Variants in TAFA2 observed in about 807,000 individuals in gnomAD.
The protein encoded by TAFA2 is TAFA chemokine like family member 2.
A neutral mutation model predicts 18.8 loss-of-function variants in TAFA2; 7 were observed. The ratio of observed to expected loss-of-function variants is 0.37; its 90% CI spans 0.21 to 0.70. The LOEUF (loss-of-function observed/expected upper bound fraction) is 0.70, where lower values mean the gene tolerates loss of function less well. Ranked by LOEUF, TAFA2 falls within the 30% of genes least tolerant of loss-of-function variation. TAFA2 has a pLI of 0.53. For synonymous variants in TAFA2, 60 were observed against 54.2 expected, an observed-to-expected ratio of 1.11 and a Z score of -0.47; for missense variants, 122 against 158.1, an observed-to-expected ratio of 0.77 and a Z score of 1.23.
At chr12:61,745,529 T>A (rs1044264098) in intron 4 of TAFA2, among the ~76,000 whole-genome samples, 12 of 152,106 alleles carry the variant, frequency 7.9e-5, no homozygotes, top group African/African-American at 2.9e-4. Flanking sequence ...ACTCCCTTGC[T>A]CAGCAACACT....
intron 1 of TAFA2, chr12:62,023,745 A>G (rs576694264): frequency 1.3e-5 from 2 of 152,152 alleles, no homozygotes; most frequent in African/African-American, 4.8e-5. Flanking sequence ...CAGCTTCACT[A>G]CTGCATCTAC....
chr12:61,885,589 A>G (rs1227924846), intron 1 of TAFA2, among the ~76,000 whole-genome samples: 3 of 152,198 alleles, frequency 2.0e-5, no homozygotes, highest in African/African-American at 7.2e-5. Flanking sequence ...CCTCCACCTC[A>G]GTTCACCTTT....
intron 1 of TAFA2, among the ~76,000 whole-genome samples, chr12:62,182,896 A>G (rs1467245443): frequency 6.6e-6 from 1 of 152,248 alleles, no homozygotes; most frequent in African/African-American, 2.4e-5. Flanking sequence ...AAGAAAACAT[A>G]CAGCACAATA....
chr12:61,884,879 A>C (rs1875304569), intron 1 of TAFA2, among the ~76,000 whole-genome samples: 1 of 152,174 alleles, frequency 6.6e-6, no homozygotes, highest in African/African-American at 2.4e-5. Flanking sequence ...AAGAAAAACA[A>C]AAGCATTTCA....
intron 1 of TAFA2, among the ~76,000 whole-genome samples, chr12:62,111,942 A>G (rs1020203491): frequency 5.3e-5 from 8 of 152,012 alleles, no homozygotes; most frequent in African/African-American, 1.9e-4. Flanking sequence ...TCTTTATCCA[A>G]TTTGCCAGTA....
chr12:61,867,257 A>G, intron 2 of TAFA2, 63 bp downstream of exon 2: 2 of 1,048,946 alleles, frequency 1.9e-6, no homozygotes, highest in Non-Finnish European at 2.9e-6. Flanking sequence ...GCAAAACATA[A>G]CAGTCTGTGT....
At chr12:62,178,879 T>C (rs1275113093) in intron 1 of TAFA2, among the ~76,000 whole-genome samples, 1 of 152,088 alleles carries the variant, frequency 6.6e-6, no homozygotes, top group Non-Finnish European at 1.5e-5. Flanking sequence ...AACAGAAGAG[T>C]AGTTAGTGTT....
intron 1 of TAFA2, among the ~76,000 whole-genome samples, chr12:61,925,674 C>A (rs540063271): frequency 6.6e-6 from 1 of 152,176 alleles, no homozygotes; most frequent in South Asian, 2.1e-4. Context: ...GAAATTGACA[C>A]CAGAATCTCT....
Position 62,232,806 on chromosome 12 carries a change from G to A in TAFA2, c.-130+25957C>T, listed in dbSNP as rs562418508. ...AGATTACAGGCATGAGCCACCACAC[G>A]CAGCTGAGTCCACGTCTTATCCACC... On this transcript the variant is annotated intron_variant, in intron 1 of 5. Coordinates refer to the TAFA2 transcript ENST00000551619. 2.6e-5 allele frequency among the ~76,000 whole-genome samples: 4 copies of A among 151,684 alleles called. No individual in the cohort carries two copies. In the South Asian group the frequency reaches 8.4e-4, roughly 32 times the overall value.
chr12:62,233,679 G>A (rs1427349769), intron 1 of TAFA2, among the ~76,000 whole-genome samples: 4 of 152,164 alleles, frequency 2.6e-5, no homozygotes, highest in Admixed American at 6.5e-5. Flanking sequence ...AAGGGATCTG[G>A]TGCCCTGGTA....
At position 62,240,840 on chromosome 12, in the gene TAFA2, G is replaced by A. The variant is rs375006093; in HGVS notation, c.-130+17923C>T. 2.6e-5 allele frequency among the ~76,000 whole-genome samples: 4 copies of A among 152,170 alleles called. No homozygotes were observed. The East Asian group carries it at 7.7e-4, about 29-fold the overall frequency. On this transcript the variant is annotated intron_variant, in intron 1 of 5. Transcript: ENST00000551619. Reference sequence around the variant, plus strand: ...TCCACCTTCTGTCAGATTAGCGGCGGCATTAGATTCTCATAGTAGCATGAA... The same window carrying A: ...TCCACCTTCTGTCAGATTAGCGGCGACATTAGATTCTCATAGTAGCATGAA...
At chr12:61,925,733 C>T (rs1565683744) in intron 1 of TAFA2, among the ~76,000 whole-genome samples, 2 of 151,912 alleles carry the variant, frequency 1.3e-5, no homozygotes, top group East Asian at 1.9e-4. Flanking sequence ...ACACTAAATG[C>T]CCACAAAAGA....
intron 1 of TAFA2, among the ~76,000 whole-genome samples, chr12:61,974,279 T>A (rs1879355037): frequency 6.6e-6 from 1 of 151,816 alleles, no homozygotes; most frequent in Non-Finnish European, 1.5e-5. Context: ...AGAAAAAGTT[T>A]TCCAAATACT....
chr12:62,219,928 A>C (rs189382836), intron 1 of TAFA2, among the ~76,000 whole-genome samples: 1 of 152,240 alleles, frequency 6.6e-6, no homozygotes, highest in East Asian at 1.9e-4. Flanking sequence ...TCAGCAGATC[A>C]AAGAGAATAT....
chr12:61,836,450 C>G (rs1212233174), intron 2 of TAFA2, among the ~76,000 whole-genome samples: 1 of 151,762 alleles, frequency 6.6e-6, no homozygotes, highest in Non-Finnish European at 1.5e-5. Flanking sequence ...GGGCCCATCT[C>G]AGACAAAAGG....
intron 1 of TAFA2, among the ~76,000 whole-genome samples, chr12:61,997,628 T>C (rs1035360159): frequency 1.3e-5 from 2 of 152,068 alleles, no homozygotes; most frequent in Non-Finnish European, 2.9e-5. Context: ...TATGACAAAT[T>C]CACTGTGGGA....
intron 1 of TAFA2, among the ~76,000 whole-genome samples, chr12:62,178,308 A>G (rs959583272): frequency 9.9e-5 from 15 of 152,176 alleles, no homozygotes; most frequent in African/African-American, 3.6e-4. Flanking sequence ...AAAATAAAAT[A>G]TGAAAAAAGA....
intron 1 of TAFA2, among the ~76,000 whole-genome samples, chr12:62,164,985 G>A (rs1254609435): frequency 6.6e-6 from 1 of 152,104 alleles, no homozygotes; most frequent in Non-Finnish European, 1.5e-5. Flanking sequence ...TACAAAGCTT[G>A]TTAGTGGCAG....
At chr12:62,117,403 TA>T (rs879817240) in intron 1 of TAFA2, among the ~76,000 whole-genome samples, 36 of 151,116 alleles carry the variant, frequency 2.4e-4, no homozygotes, top group East Asian at 5.8e-4. Flanking sequence ...TTTCTAAATA[TA>T]AAAAAAAAGT....
Sources: allele counts gnomAD v4.1 joint callset (sites outside exome capture counted in the v4.1 genomes callset), GRCh38; gene constraint gnomAD v4.1.1; transcripts MANE v1.5; gene names NCBI Gene and HGNC (gene_info 2026-07-23, HGNC 2026-07-21).